Variants in SLC15A1 observed in about 807,000 individuals in gnomAD.
SLC15A1 encodes solute carrier family 15 member 1.
In SLC15A1, 83 loss-of-function variants were observed where a neutral mutation model predicts 92.9. That is an observed-to-expected ratio of 0.89 (90% confidence interval 0.75 to 1.07). The LOEUF is 1.07. SLC15A1 is among the 50% of genes least tolerant of loss of function. The pLI is 0.00. For missense variants in SLC15A1, 857 were observed against 880.1 expected (o/e 0.97, Z 0.33); for synonymous variants, 322 against 318.2 (o/e 1.01, Z -0.13).
chr13:98,688,615 A>G, intron 18 of SLC15A1, 38 bp from the exon 19 acceptor site: 1 of 1,454,918 alleles, frequency 6.9e-7, no homozygotes, highest in East Asian at 2.3e-5. Flanking sequence ...ACTGAACTAG[A>G]GAATAATATA....
intron 11 of SLC15A1, among the ~76,000 whole-genome samples, chr13:98,711,420 T>C (rs2088161972): frequency 6.6e-6 from 1 of 152,136 alleles, no homozygotes; most frequent in South Asian, 2.1e-4. Context: ...GGATGGTACT[T>C]CTAGCCCAAG....
intron 14 of SLC15A1, among the ~76,000 whole-genome samples, chr13:98,709,189 G>C (rs560494081): frequency 2.0e-4 from 30 of 152,122 alleles, no homozygotes; most frequent in African/African-American, 7.0e-4. Flanking sequence ...GGCTGGTCTC[G>C]AACTCCTGAC....
chr13:98,702,967 CAAAAA>C (rs535486738), intron 17 of SLC15A1, among the ~76,000 whole-genome samples: 13 of 77,678 alleles, frequency 1.7e-4, no homozygotes, highest in Admixed American at 1.1e-3. Flanking sequence ...GATCCTGTCT[CAAAAA>C]AAAAAAAAAA....
intron 18 of SLC15A1, among the ~76,000 whole-genome samples, chr13:98,693,497 T>C (rs1056958539): frequency 1.3e-4 from 20 of 152,172 alleles, no homozygotes; most frequent in African/African-American, 4.1e-4. Context: ...TATATTCATA[T>C]GCTTATTGAC....
chr13:98,716,183 T>C (rs2139586955), intron 8 of SLC15A1, among the ~76,000 whole-genome samples: 1 of 152,354 alleles, frequency 6.6e-6, no homozygotes, highest in Non-Finnish European at 1.5e-5. Context: ...ATGCAACCTG[T>C]AAGCCTAATA....
Position 98,684,643 on chromosome 13 carries a change from T to C in SLC15A1, c.*81A>G. On this transcript the variant is annotated 3_prime_UTR_variant, in exon 23 of 23. Coordinates refer to ENST00000376503, the MANE Select transcript of SLC15A1 (RefSeq NM_005073.4). ...CTGAAGTCTTCCTCATCAGGGGCCA[T>C]CCAATGGAGTGTCCTGCTACCTGGG... is the stretch of plus-strand genomic sequence containing the variant. 9.5e-7 allele frequency: 1 copy of C among 1,049,502 alleles called. No homozygotes were observed. The highest frequency in any genetic ancestry group is 1.4e-6 in the Non-Finnish European group (1 of 698,566). 65.0% of individuals were successfully genotyped at this position (1,049,502 alleles called of 1,614,324 possible). A position where few individuals can be genotyped will look rare whatever the true frequency, so the allele number is the denominator to read the frequency against.
chr13:98,709,857 T>A lies in SLC15A1; in HGVS notation c.945+10A>T. The A allele has an allele frequency of 1.9e-6, 3 of 1,613,598 alleles. No homozygotes were observed. The highest frequency in any genetic ancestry group is 2.5e-6 in the Non-Finnish European group (3 of 1,179,890). Reference sequence around the variant, plus strand: ...GGACAAAGAAACTAAAACAAAGGAGTCAAACTTACGATTTTCCCGGACATA... The same window carrying A: ...GGACAAAGAAACTAAAACAAAGGAGACAAACTTACGATTTTCCCGGACATA... On this transcript the variant is annotated intron_variant, in intron 12 of 22. Coordinates refer to ENST00000376503, the MANE Select transcript of SLC15A1 (RefSeq NM_005073.4).
chr13:98,744,032 T>G (rs1594011915), intron 1 of SLC15A1, among the ~76,000 whole-genome samples: 1 of 151,524 alleles, frequency 6.6e-6, no homozygotes, highest in East Asian at 1.9e-4. Context: ...GTCGCTAAAT[T>G]AAAAGGAAAC....
At chr13:98,686,361 T>G (rs146093397) in intron 21 of SLC15A1, 64 bp from the exon 22 acceptor site, 34 of 1,127,892 alleles carry the variant, frequency 3.0e-5, no homozygotes, top group Middle Eastern at 3.9e-4. Flanking sequence ...AGAACACAGC[T>G]CACCGATGGG....
chr13:98,750,520 A>G (rs1204694482), intron 1 of SLC15A1, among the ~76,000 whole-genome samples: 3 of 152,036 alleles, frequency 2.0e-5, no homozygotes, highest in Non-Finnish European at 4.4e-5. Context: ...CCAATCCCTC[A>G]CTTTCCTATT....
intron 5 of SLC15A1, 152 bp downstream of exon 5, chr13:98,723,760 C>T: frequency 9.7e-7 from 1 of 1,030,824 alleles, no homozygotes; most frequent in Non-Finnish European, 1.4e-6. Context: ...AGACCCAGCT[C>T]AATCTATTTG....
At chr13:98,722,368 A>C (rs2088267788) in intron 5 of SLC15A1, among the ~76,000 whole-genome samples, 1 of 152,234 alleles carries the variant, frequency 6.6e-6, no homozygotes, top group African/African-American at 2.4e-5. Context: ...AGGTACAGAA[A>C]ACTGGAAGGA....
At chr13:98,750,020 CTGT>C (rs761770077) in intron 1 of SLC15A1, among the ~76,000 whole-genome samples, 2 of 152,146 alleles carry the variant, frequency 1.3e-5, no homozygotes, top group East Asian at 1.9e-4. Flanking sequence ...CCAGAAGAGA[CTGT>C]CGACCACTGC....
chr13:98,714,909 C>T (rs2088201668), intron 9 of SLC15A1, among the ~76,000 whole-genome samples: 1 of 152,040 alleles, frequency 6.6e-6, no homozygotes, highest in South Asian at 2.1e-4. Flanking sequence ...CTACTCTCAA[C>T]ATTTATTTCC....
chr13:98,710,205 T>C (rs1160418251), intron 11 of SLC15A1, among the ~76,000 whole-genome samples: 2 of 152,216 alleles, frequency 1.3e-5, no homozygotes, highest in Non-Finnish European at 2.9e-5. Flanking sequence ...AATGCATTTC[T>C]GAGGCTCGTT....
At chr13:98,713,712 A>T (rs1289196448) in intron 9 of SLC15A1, among the ~76,000 whole-genome samples, 1 of 152,154 alleles carries the variant, frequency 6.6e-6, no homozygotes, top group African/African-American at 2.4e-5. Context: ...ACACAGCAAG[A>T]GGTGAGGCTG....
intron 1 of SLC15A1, among the ~76,000 whole-genome samples, chr13:98,752,101 G>T (rs1055625200): frequency 1.3e-5 from 2 of 152,236 alleles, no homozygotes; most frequent in Admixed American, 6.5e-5. Context: ...CCAGGGGACA[G>T]TGCAGAGGGT....
intron 9 of SLC15A1, among the ~76,000 whole-genome samples, chr13:98,714,514 G>T (rs2088195949): frequency 6.6e-6 from 1 of 152,006 alleles, no homozygotes; most frequent in Non-Finnish European, 1.5e-5. Flanking sequence ...ACTTAGCCAG[G>T]TGTGGTGGTG....
At chr13:98,722,991 A>C (rs2088271709) in intron 5 of SLC15A1, among the ~76,000 whole-genome samples, 2 of 152,220 alleles carry the variant, frequency 1.3e-5, no homozygotes, top group Admixed American at 1.3e-4. Context: ...TACTATTACA[A>C]CCAAGGAAAC....
Sources: gnomAD v4.1 joint callset for allele counts (sites outside exome capture counted in the v4.1 genomes callset) on GRCh38, gnomAD v4.1.1 for gene constraint, MANE v1.5 for transcripts, NCBI Gene and HGNC (gene_info 2026-07-23, HGNC 2026-07-21) for gene names.